The following LRCH3 variants were observed in gnomAD, a reference collection of about 807,000 sequenced individuals.
LRCH3 encodes leucine rich repeats and calponin homology domain containing 3.
A neutral mutation model predicts 104.5 loss-of-function variants in LRCH3; 68 were observed. That is an observed-to-expected ratio of 0.65 (90% confidence interval 0.54 to 0.80). The LOEUF (loss-of-function observed/expected upper bound fraction) is 0.80, where lower values mean the gene tolerates loss of function less well. Ranked by LOEUF, LRCH3 falls within the 30% of genes least tolerant of loss-of-function variation. The probability of loss-of-function intolerance (pLI) is 0.00; values close to 1 mark genes in which losing one functional copy is unlikely to be tolerated. For missense variants in LRCH3, 951 were observed against 953.9 expected (o/e 1.00, Z 0.04); for synonymous variants, 344 against 361.3 (o/e 0.95, Z 0.54).
chr3:197,880,574 A>G, intron 20 of LRCH3: 1 of 1,536,528 alleles, frequency 6.5e-7, no homozygotes, highest in African/African-American at 1.4e-5. Flanking sequence ...GAACTGTTGA[A>G]ACGCTCCTTT....
At chr3:197,793,946 T>A (rs1402427271) in intron 1 of LRCH3, among the ~76,000 whole-genome samples, 3 of 152,250 alleles carry the variant, frequency 2.0e-5, no homozygotes, top group Non-Finnish European at 4.4e-5. Context: ...CATCATTTAT[T>A]GAGTGTTCAC....
At chr3:197,880,827 A>T in intron 20 of LRCH3, 2 of 1,502,478 alleles carry the variant, frequency 1.3e-6, no homozygotes, top group Admixed American at 2.1e-5. Context: ...GCCCTCAAAG[A>T]GCTAACCCAT....
chr3:197,872,915 C>G (rs1712396897), intron 19 of LRCH3, among the ~76,000 whole-genome samples: 1 of 152,120 alleles, frequency 6.6e-6, no homozygotes, highest in Non-Finnish European at 1.5e-5. Context: ...TTGTATTAGT[C>G]CAGGCCAGGA....
chr3:197,881,513 G>T, intron 20 of LRCH3: 1 of 985,394 alleles, frequency 1.0e-6, no homozygotes, highest in South Asian at 4.7e-5. Flanking sequence ...GTTTAAATTT[G>T]GAATTTATGT....
chr3:197,842,265 A>G (rs1737915349), intron 10 of LRCH3, among the ~76,000 whole-genome samples: 2 of 152,156 alleles, frequency 1.3e-5, no homozygotes, highest in African/African-American at 4.8e-5. Context: ...GGTATTTGTG[A>G]AATATCTACT....
At chr3:197,845,902 TCAAAA>T (rs748300197) in intron 10 of LRCH3, among the ~76,000 whole-genome samples, 35 of 152,330 alleles carry the variant, frequency 2.3e-4, no homozygotes, top group African/African-American at 2.2e-4. Context: ...AGACTCTGTC[TCAAAA>T]CAAAACAAAA....
intron 4 of LRCH3, among the ~76,000 whole-genome samples, chr3:197,825,882 A>AT (rs1419626028): frequency 6.6e-6 from 1 of 151,952 alleles, no homozygotes; most frequent in Non-Finnish European, 1.5e-5. Context: ...CTACCATTAT[A>AT]TTTTTTCATT....
At chr3:197,850,190 G>A (rs1010480703) in intron 12 of LRCH3, among the ~76,000 whole-genome samples, 1 of 152,132 alleles carries the variant, frequency 6.6e-6, no homozygotes, top group African/African-American at 2.4e-5. Context: ...AGCTGGCCTG[G>A]AGAGTTTGTA....
intron 12 of LRCH3, among the ~76,000 whole-genome samples, chr3:197,849,240 C>G (rs1398651802): frequency 6.9e-6 from 1 of 144,696 alleles, no homozygotes; most frequent in Non-Finnish European, 1.5e-5. Context: ...CTTCATGCAG[C>G]CTGGTTGACA....
chr3:197,875,040 C>T (rs1341360762), intron 19 of LRCH3, among the ~76,000 whole-genome samples: 2 of 151,744 alleles, frequency 1.3e-5, no homozygotes, highest in Admixed American at 1.3e-4. Context: ...AAGTGATTCT[C>T]GTGCCTCAGC....
At chr3:197,847,847 A>C (rs1373234125) in intron 11 of LRCH3, 25 bp from the exon 12 acceptor site, 7 of 1,609,542 alleles carry the variant, frequency 4.3e-6, no homozygotes, top group Non-Finnish European at 5.9e-6. Flanking sequence ...TTACTTTTGT[A>C]TGCACAATAA....
chr3:197,878,531 C>T (rs541609968), intron 20 of LRCH3, among the ~76,000 whole-genome samples: 1 of 152,280 alleles, frequency 6.6e-6, no homozygotes, highest in South Asian at 2.1e-4. Context: ...CATCCTCCCT[C>T]CTTCTCCGTC....
In LRCH3 at chr3:197,886,451, C is replaced by T. The variant is rs1233910326; in HGVS notation, c.*2785C>T. On this transcript the variant is annotated 3_prime_UTR_variant, in exon 21 of 21. Transcript: ENST00000425562. ...ATATTTACAGTTCCCAACAGACCCA[C>T]CAACTCTTATATACCCTTATATAAC... The T allele has an allele frequency of 1.3e-5, 2 of 152,208 alleles. No individual in the cohort carries two copies. The highest frequency in any genetic ancestry group is 4.8e-5 in the African/African-American group (2 of 41,450). 9.4% of individuals were successfully genotyped at this position (152,208 alleles called of 1,614,324 possible).
At chr3:197,853,760 T>C (rs1018385307) in intron 13 of LRCH3, among the ~76,000 whole-genome samples, 4 of 152,196 alleles carry the variant, frequency 2.6e-5, no homozygotes, top group African/African-American at 7.2e-5. Flanking sequence ...TGTTAGAACA[T>C]TATATATTTG....
intron 5 of LRCH3, among the ~76,000 whole-genome samples, chr3:197,828,075 TC>T (rs1354892910): frequency 2.3e-4 from 7 of 30,132 alleles, no homozygotes; most frequent in African/African-American, 1.1e-3. Flanking sequence ...AGACTCCGTC[TC>T]AAAAAAAAAA....
chr3:197,879,587 A>G (rs1349520479), intron 20 of LRCH3, among the ~76,000 whole-genome samples: 3 of 152,132 alleles, frequency 2.0e-5, no homozygotes, highest in South Asian at 4.1e-4. Context: ...CGGAGCTTGC[A>G]GTGAGCCGAG....
In LRCH3 at chr3:197,815,652, A is replaced by G. The variant is rs947824065; in HGVS notation, c.407+600A>G. On this transcript the variant is annotated intron_variant, in intron 2 of 20. Transcript: ENST00000425562. ...TACATTTTCTAATTAGCTTCATTAA[A>G]TAAGAATAATAGATCTGAAATTACT... Among the ~76,000 whole-genome samples the G allele has an allele frequency of 2.6e-5, 4 of 152,256 alleles. No individual in the cohort carries two copies. The East Asian group carries it at 7.7e-4, about 29-fold the overall frequency.
At chr3:197,809,325 G>A (rs1280229103) in intron 1 of LRCH3, among the ~76,000 whole-genome samples, 2 of 151,444 alleles carry the variant, frequency 1.3e-5, no homozygotes, top group Non-Finnish European at 2.9e-5. Flanking sequence ...TTTTTTCTCT[G>A]TCTTCCGTTT....
At chr3:197,850,691 A>G in intron 12 of LRCH3, 1 of 1,478,354 alleles carries the variant, frequency 6.8e-7, no homozygotes, top group Non-Finnish European at 9.5e-7. Context: ...GCAAAAATTC[A>G]GCACTCTTTC....
Sources: allele counts gnomAD v4.1 joint callset (sites outside exome capture counted in the v4.1 genomes callset), GRCh38; gene constraint gnomAD v4.1.1; transcripts MANE v1.5; gene names NCBI Gene and HGNC (gene_info 2026-07-23, HGNC 2026-07-21).